USP47: variants seen among roughly 807,000 people sequenced by gnomAD.
USP47 encodes ubiquitin carboxyl-terminal hydrolase 47.
Under a neutral mutation model 165.1 loss-of-function variants are expected in USP47, and 35 were observed. That is an observed-to-expected ratio of 0.21 (90% CI 0.16 to 0.28). USP47 has a LOEUF of 0.28. Among genes scored for constraint, USP47 ranks in the 10% least tolerant of loss-of-function variants. The pLI, the probability that USP47 is intolerant of heterozygous loss-of-function variation, is 1.00. For synonymous variants in USP47, 531 were observed against 544.5 expected, an observed-to-expected ratio of 0.98 and a Z score of 0.35; for missense variants, 1,277 against 1,607.4, an observed-to-expected ratio of 0.79 and a Z score of 3.52.
chr11:11,891,946 A>C, intron 3 of USP47, 22 bp from the exon 4 acceptor site: 1 of 1,606,532 alleles, frequency 6.2e-7, no homozygotes, highest in Non-Finnish European at 8.5e-7. Context: ...TTTACTAACT[A>C]TTTGAATATG....
intron 17 of USP47, 93 bp downstream of exon 17, chr11:11,936,603 T>C (rs1423702508): frequency 1.1e-4 from 116 of 1,058,458 alleles, no homozygotes; most frequent in Non-Finnish European, 1.4e-4. Context: ...ATAATTTAAA[T>C]TTTGTATATG....
At chr11:11,890,517 G>A (rs549186282) in intron 3 of USP47, among the ~76,000 whole-genome samples, 27 of 152,228 alleles carry the variant, frequency 1.8e-4, no homozygotes, top group South Asian at 8.3e-4. Context: ...TGTCAGAATG[G>A]CAGTTATTAA....
rs1177735089 is a variant in USP47 at position 11,884,444 on chromosome 11, AACATT to A, written c.244-21_244-17del. 4.0e-6 allele frequency: 6 copies of A among 1,489,260 alleles called. No individual in the cohort carries two copies. The highest frequency in any genetic ancestry group is 5.4e-6 in the Non-Finnish European group (6 of 1,101,102). The allele number at this position is 1,489,260 out of a possible 1,614,324, so 92.3% of individuals were successfully genotyped here. On this transcript the variant is annotated intron_variant, in intron 2 of 27. Coordinates refer to ENST00000527733, the MANE Select transcript of USP47 (RefSeq NM_001282659.2). ...TTATTTTATGTTTCTCATAATCTGA[AACATT>A]ATGTTTTATGTCCATAGGCACCACT...
chr11:11,957,120 C>T lies in USP47; in HGVS notation c.*945C>T, dbSNP rs548049584. On this transcript the variant is annotated 3_prime_UTR_variant, in exon 28 of 28. Coordinates refer to ENST00000527733, the MANE Select transcript of USP47 (RefSeq NM_001282659.2). ...TTAATGAGGTTTCTCTGTTCAGCGGCTTCAATTTTTTTCTCTTTGTACATC... is the reference window on the plus strand; with the variant it reads ...TTAATGAGGTTTCTCTGTTCAGCGGTTTCAATTTTTTTCTCTTTGTACATC... The T allele has an allele frequency of 3.3e-5, 5 of 152,276 alleles. No individual in the cohort carries two copies. The highest frequency in any genetic ancestry group is 9.6e-5 in the African/African-American group (4 of 41,544). The allele number at this position is 152,276 out of a possible 1,614,324, so 9.4% of individuals were successfully genotyped here. A position where few individuals can be genotyped will look rare whatever the true frequency, so the allele number is the denominator to read the frequency against.
chr11:11,914,660 C>T (rs1853276339), intron 8 of USP47, among the ~76,000 whole-genome samples: 1 of 152,108 alleles, frequency 6.6e-6, no homozygotes, highest in Non-Finnish European at 1.5e-5. Context: ...ATAAAGTACT[C>T]TCAAGACATC....
chr11:11,845,474 A>T (rs1038035965), intron 1 of USP47, among the ~76,000 whole-genome samples: 1 of 152,134 alleles, frequency 6.6e-6, no homozygotes, highest in African/African-American at 2.4e-5. Flanking sequence ...TTCATTTGGC[A>T]ATTACTAGAT....
At position 11,942,715 on chromosome 11, in the gene USP47, A is replaced by C; in HGVS notation, c.2694A>C (p.Ser898=). ...IESPLNERDS[S]ASVDNRELEQ... ...CACCTCTCAATGAGAGGGACTCTTC[A>C]GCATCAGTGGATAATAGAGAACTTG... The change falls in exon 20 of 28, where the codon TCA becomes TCC. Residue 898 remains serine (S), a synonymous_variant. Coordinates refer to ENST00000527733, the MANE Select transcript of USP47 (RefSeq NM_001282659.2). 2 of 1,613,716 alleles carry C rather than the reference A, an allele frequency of 1.2e-6. No individual in the cohort carries two copies.
At chr11:11,861,577 C>G (rs1174800562) in intron 1 of USP47, among the ~76,000 whole-genome samples, 1 of 151,976 alleles carries the variant, frequency 6.6e-6, no homozygotes, top group African/African-American at 2.4e-5. Flanking sequence ...TTTGTTGCAA[C>G]AACTAAAAAT....
chr11:11,897,135 G>A (rs1851899153), intron 4 of USP47, among the ~76,000 whole-genome samples: 1 of 150,732 alleles, frequency 6.6e-6, no homozygotes, highest in Admixed American at 6.7e-5. Context: ...AGGGCTTGAT[G>A]ACAGGGGTAA....
chr11:11,961,195 C>T lies in USP47; in HGVS notation c.*5020C>T, dbSNP rs1175082632. ...AAACCCTGTATCCTGTGATTATTTA[C>T]CTGACAGGGCAAAAGAGATTTTGCA... On this transcript the variant is annotated 3_prime_UTR_variant, in exon 28 of 28. Transcript: ENST00000527733. 1.3e-5 allele frequency among the ~76,000 whole-genome samples: 2 copies of T among 152,102 alleles called. No homozygotes were observed. Among genetic ancestry groups the T allele is most frequent in the Non-Finnish European group, 2.9e-5 (2 of 68,038 alleles).
chr11:11,875,200 A>G (rs1249909928), intron 1 of USP47, among the ~76,000 whole-genome samples: 1 of 152,148 alleles, frequency 6.6e-6, no homozygotes, highest in Non-Finnish European at 1.5e-5. Context: ...AAAATACTTT[A>G]TCTTAATTTT....
intron 1 of USP47, among the ~76,000 whole-genome samples, chr11:11,879,715 T>C (rs969949409): frequency 1.3e-5 from 2 of 152,100 alleles, no homozygotes; most frequent in African/African-American, 4.8e-5. Flanking sequence ...AGTTATAGAT[T>C]TTTTAATCTT....
In USP47 at chr11:11,842,157, AG is replaced by A; in HGVS notation, c.-26del. 2 of 1,551,450 alleles carry A rather than the reference AG, an allele frequency of 1.3e-6. No homozygotes were observed. Among genetic ancestry groups the A allele is most frequent in the East Asian group, 2.4e-5 (1 of 41,102 alleles). On this transcript the variant is annotated 5_prime_UTR_variant, in exon 1 of 28. Coordinates refer to ENST00000527733, the MANE Select transcript of USP47 (RefSeq NM_001282659.2). ...CCGCCACCCTCCACCCTCCCCCGGC[AG>A]GGCGGAGAGGAGCGGCCGGAGTCAG... is the stretch of plus-strand genomic sequence containing the variant.
At chr11:11,886,603 C>A (rs1421557407) in intron 3 of USP47, among the ~76,000 whole-genome samples, 1 of 151,782 alleles carries the variant, frequency 6.6e-6, no homozygotes, top group Non-Finnish European at 1.5e-5. Context: ...GTAAAGAGAC[C>A]AAACGTACAA....
chr11:11,904,357 T>A (rs1852411467), intron 7 of USP47, among the ~76,000 whole-genome samples: 1 of 152,206 alleles, frequency 6.6e-6, no homozygotes, highest in Non-Finnish European at 1.5e-5. Context: ...TTTGAAGGCT[T>A]ATAAATCCTA....
At chr11:11,870,725 T>G (rs1015697829) in intron 1 of USP47, among the ~76,000 whole-genome samples, 1 of 152,216 alleles carries the variant, frequency 6.6e-6, no homozygotes, top group African/African-American at 2.4e-5. Flanking sequence ...TGGTTTCTGG[T>G]AAGAAAATTA....
intron 1 of USP47, among the ~76,000 whole-genome samples, chr11:11,877,827 G>A (rs868693018): frequency 1.3e-5 from 1 of 76,224 alleles, no homozygotes; most frequent in Non-Finnish European, 2.7e-5. Flanking sequence ...GTGTGTGTGT[G>A]TGTGTGTGTG....
intron 1 of USP47, among the ~76,000 whole-genome samples, chr11:11,869,980 T>G (rs1329101436): frequency 6.6e-6 from 1 of 152,198 alleles, no homozygotes; most frequent in Non-Finnish European, 1.5e-5. Context: ...ATTTCTGTGC[T>G]GGTAATTGGG....
At chr11:11,898,331 A>G (rs1255407417) in intron 5 of USP47, among the ~76,000 whole-genome samples, 1 of 152,164 alleles carries the variant, frequency 6.6e-6, no homozygotes, top group African/African-American at 2.4e-5. Context: ...TTTAGTTTTT[A>G]AGGATACTTT....
Sources: gnomAD v4.1 joint callset for allele counts (sites outside exome capture counted in the v4.1 genomes callset) on GRCh38, gnomAD v4.1.1 for gene constraint, MANE v1.5 for transcripts, NCBI Gene and HGNC (gene_info 2026-07-23, HGNC 2026-07-21) for gene names.